ABCA13: variants seen among roughly 807,000 people sequenced by gnomAD.
ABCA13 encodes ATP binding cassette subfamily A member 13.
A neutral mutation model predicts 478.7 loss-of-function variants in ABCA13; 476 were observed. The ratio of observed to expected loss-of-function variants is 0.99; its 90% CI spans 0.92 to 1.07. The LOEUF is 1.07. Among genes scored for constraint, ABCA13 ranks in the 50% least tolerant of loss-of-function variants. The pLI, the probability that ABCA13 is intolerant of heterozygous loss-of-function variation, is 0.00. For synonymous variants in ABCA13, 2,252 were observed against 2,158.9 expected (o/e 1.04, Z -1.20); for missense variants, 6,060 against 5,910.6 (o/e 1.03, Z -0.83).
At chr7:48,237,834 A>G (rs560543213) in intron 8 of ABCA13, among the ~76,000 whole-genome samples, 1 of 152,362 alleles carries the variant, frequency 6.6e-6, no homozygotes, top group East Asian at 1.9e-4. Context: ...GGCATGTCCC[A>G]GGGAGCCTGA....
chr7:48,405,124 A>C (rs1818092440), intron 39 of ABCA13, among the ~76,000 whole-genome samples: 1 of 152,204 alleles, frequency 6.6e-6, no homozygotes, highest in African/African-American at 2.4e-5. Context: ...TTTGACATTG[A>C]AAGACAGGGC....
rs747708470 is a variant in ABCA13, at chr7:48,239,316, T to C, written c.973T>C (p.Trp325Arg). The change falls in exon 9 of 62, where the codon TGG (tryptophan) becomes CGG (arginine). Residue 325 changes from tryptophan (W) to arginine (R), a missense_variant. Physicochemically the swap from Trp to Arg is moderately radical, Grantham distance 101. Transcript: ENST00000435803. ...SSTSEDEAEK[W>R]GHVGGCHPKW... Reference sequence around the variant, plus strand: ...CACATCAGAGGATGAAGCTGAGAAATGGGGCCACGTTGGAGGCTGCCACCC... The same window carrying C: ...CACATCAGAGGATGAAGCTGAGAAACGGGGCCACGTTGGAGGCTGCCACCC... 6 of 1,613,854 alleles carry C rather than the reference T, an allele frequency of 3.7e-6. No individual in the cohort carries two copies. Among genetic ancestry groups the C allele is most frequent in the Admixed American group, 1.7e-5 (1 of 59,998 alleles).
intron 42 of ABCA13, among the ~76,000 whole-genome samples, chr7:48,443,989 C>A (rs2129171181): frequency 6.6e-6 from 1 of 152,138 alleles, no homozygotes; most frequent in African/African-American, 2.4e-5. Flanking sequence ...GAAACACCCT[C>A]TTTCCTTCCT....
At chr7:48,404,050 T>G in intron 39 of ABCA13, 171 bp downstream of exon 39, 1 of 749,490 alleles carries the variant, frequency 1.3e-6, no homozygotes, top group East Asian at 3.1e-5. Context: ...AGATAACATC[T>G]CTATAGTGCT....
At chr7:48,368,258 C>A (rs1811998482) in intron 32 of ABCA13, among the ~76,000 whole-genome samples, 1 of 151,960 alleles carries the variant, frequency 6.6e-6, no homozygotes, top group Non-Finnish European at 1.5e-5. Context: ...ATGTAGAGAC[C>A]CTGCTATTTT....
At chr7:48,526,318 A>G (rs7781149) in intron 54 of ABCA13, among the ~76,000 whole-genome samples, 21,052 of 152,040 alleles carry the variant, frequency 0.14, 1,823 homozygotes, top group African/African-American at 0.23. Context: ...CTGAGTCCCA[A>G]CAGGGCTAAG....
Position 48,630,505 on chromosome 7 carries a change from C to T in ABCA13, c.14838-12783C>T, listed in dbSNP as rs539828033. Among the ~76,000 whole-genome samples the T allele has an allele frequency of 6.0e-4, 91 of 152,256 alleles. 2 individuals carry two copies. The highest frequency in any genetic ancestry group is 1.9e-3 in the African/African-American group (80 of 41,552). On this transcript the variant is annotated intron_variant, in intron 59 of 61. Transcript: ENST00000435803. ...GAAGACACGATCTTGTTCTTTTTTACGACTGCACAGTATTCCATGGTATAT... is the reference window on the plus strand; with the variant it reads ...GAAGACACGATCTTGTTCTTTTTTATGACTGCACAGTATTCCATGGTATAT...
At chr7:48,619,139 C>T (rs1183021377) in intron 59 of ABCA13, among the ~76,000 whole-genome samples, 2 of 152,192 alleles carry the variant, frequency 1.3e-5, no homozygotes, top group Non-Finnish European at 2.9e-5. Context: ...TTCCTTGGTA[C>T]AGACTTTTGT....
rs564272712 is a variant in ABCA13, at chr7:48,645,417, G to A, written c.15082G>A (p.Val5028Ile). 7 of 1,558,616 alleles carry A rather than the reference G, an allele frequency of 4.5e-6. 1 individual carries two copies. The African/African-American group carries it at 9.5e-5, about 21-fold the overall frequency. The change falls in exon 62 of 62, where the codon GTA becomes ATA. Residue 5028 changes from valine (V) to isoleucine (I), a missense_variant and splice_region_variant. Around this residue, in one of 3 missense-constraint regions of ABCA13, gnomAD observed 1,627 missense variants for 1,571.0 expected, o/e 1.04. Coordinates refer to ENST00000435803, the MANE Select transcript of ABCA13 (RefSeq NM_152701.5). Reference sequence around the variant, plus strand: ...ACAACATTTTTATGGTTTTTTTCAGGTATTTATTAATTTTGCTTCTGAGCA... The same window carrying A: ...ACAACATTTTTATGGTTTTTTTCAGATATTTATTAATTTTGCTTCTGAGCA... ...YSINQTTLEQVFINFASEQQQ... is the reference protein window; with the variant it reads ...YSINQTTLEQIFINFASEQQQ...
In ABCA13 at chr7:48,182,871, A is replaced by G. The variant is rs575460120; in HGVS notation, c.70-10088A>G. On this transcript the variant is annotated intron_variant, in intron 1 of 61. Transcript: ENST00000435803. ...GCATTTGGATTATCTCTTAGCTTGG[A>G]CTTGTGCTTTGTTGGAACTCCTTGT... Among the ~76,000 whole-genome samples, 146 of 152,236 alleles carry G rather than the reference A, an allele frequency of 9.6e-4. 1 individual carries two copies. The highest frequency in any genetic ancestry group is 3.4e-3 in the African/African-American group (143 of 41,546).
At chr7:48,471,060 T>C (rs1827439079) in intron 44 of ABCA13, among the ~76,000 whole-genome samples, 1 of 152,226 alleles carries the variant, frequency 6.6e-6, no homozygotes, top group Non-Finnish European at 1.5e-5. Flanking sequence ...ACTGTTTCTG[T>C]TGCACAATCT....
At chr7:48,269,813 A>G (rs1795355929) in intron 16 of ABCA13, among the ~76,000 whole-genome samples, 1 of 152,212 alleles carries the variant, frequency 6.6e-6, no homozygotes, top group Non-Finnish European at 1.5e-5. Context: ...AGTGCACACC[A>G]AAGTTGGAGA....
At chr7:48,497,620 A>G (rs1830387219) in intron 48 of ABCA13, among the ~76,000 whole-genome samples, 1 of 152,092 alleles carries the variant, frequency 6.6e-6, no homozygotes, top group African/African-American at 2.4e-5. Context: ...TGATGACACC[A>G]CCCTGGCTAG....
Position 48,496,244 on chromosome 7 carries a change from C to A in ABCA13, c.13291+6900C>A, listed in dbSNP as rs571257231. Among the ~76,000 whole-genome samples the A allele has an allele frequency of 2.3e-3, 346 of 152,014 alleles. 1 individual carries two copies. Among genetic ancestry groups the A allele is most frequent in the African/African-American group, 7.8e-3 (322 of 41,502 alleles). ...TATTTATAGTATTTTTAAGTATATA[C>A]ATTCATTTAGTTTTCTTAGTGGTTC... is the stretch of plus-strand genomic sequence containing the variant. On this transcript the variant is annotated intron_variant, in intron 48 of 61. Transcript: ENST00000435803.
At chr7:48,267,430 C>T (rs1184883548) in intron 15 of ABCA13, among the ~76,000 whole-genome samples, 2 of 152,002 alleles carry the variant, frequency 1.3e-5, no homozygotes. Flanking sequence ...CATCTGAAAC[C>T]TACTTTGTCT....
rs1165203123 is a variant in ABCA13 at position 48,645,462 on chromosome 7, A to G, written c.15127A>G (p.Thr5043Ala). 19 of 1,588,148 alleles carry G rather than the reference A, an allele frequency of 1.2e-5. No homozygotes were observed. The highest frequency in any genetic ancestry group is 1.7e-4 in the Middle Eastern group (1 of 6,034). ...TGAGCAGCAGCAAACTCTACAATCT[A>G]CTCTTGATCCATCCACTGACAGTCA... ...ASEQQQTLQS[T>A]LDPSTDSHHT... Residue 5043 changes from threonine (T) to alanine (A), a missense_variant, in exon 62 of 62, where the codon ACT becomes GCT. By Grantham distance (58) the Thr-to-Ala change is moderately conservative. Around this residue, in one of 3 missense-constraint regions of ABCA13, gnomAD observed 1,627 missense variants for 1,571.0 expected, o/e 1.04. Coordinates refer to ENST00000435803, the MANE Select transcript of ABCA13 (RefSeq NM_152701.5).
At chr7:48,407,242 G>A (rs1818384432) in intron 39 of ABCA13, among the ~76,000 whole-genome samples, 2 of 152,046 alleles carry the variant, frequency 1.3e-5, no homozygotes. Context: ...GGGCGGCCGA[G>A]AGAAGTGGAT....
At chr7:48,228,122 A>G (rs149118592) in intron 6 of ABCA13, among the ~76,000 whole-genome samples, 1 of 152,228 alleles carries the variant, frequency 6.6e-6, no homozygotes, top group African/African-American at 2.4e-5. Context: ...AAAGGTTTAT[A>G]TTCTTCTCTG....
chr7:48,473,544 C>T (rs138880423), intron 45 of ABCA13, among the ~76,000 whole-genome samples: 2 of 152,284 alleles, frequency 1.3e-5, no homozygotes, highest in African/African-American at 4.8e-5. Context: ...TTCCTTCTCT[C>T]TCATAATTTA....
Sources: gnomAD v4.1 joint callset for allele counts (sites outside exome capture counted in the v4.1 genomes callset) on GRCh38, gnomAD v4.1.1 for gene constraint, gnomAD v4.1.1 regional missense constraint, MANE v1.5 for transcripts, NCBI Gene and HGNC (gene_info 2026-07-23, HGNC 2026-07-21) for gene names.